Variants in KIAA1549L observed in about 807,000 individuals in gnomAD.
KIAA1549L encodes UPF0606 protein KIAA1549L.
A neutral mutation model predicts 160.7 loss-of-function variants in KIAA1549L; 88 were observed. The observed-to-expected ratio is 0.55, with a 90% CI of 0.46 to 0.65. The LOEUF (loss-of-function observed/expected upper bound fraction) is 0.65, where lower values mean the gene tolerates loss of function less well. Among genes scored for constraint, KIAA1549L ranks in the 30% least tolerant of loss-of-function variants. The pLI, the probability that KIAA1549L is intolerant of heterozygous loss-of-function variation, is 0.00. For synonymous variants in KIAA1549L, 950 were observed against 976.7 expected (o/e 0.97, Z 0.51); for missense variants, 2,258 against 2,437.5 (o/e 0.93, Z 1.55).
At chr11:33,428,193 T>A (rs1430522571) in intron 1 of KIAA1549L, among the ~76,000 whole-genome samples, 2 of 152,248 alleles carry the variant, frequency 1.3e-5, no homozygotes, top group Non-Finnish European at 2.9e-5. Context: ...GCCACCAAAC[T>A]GTTTGCAGCT....
intron 13 of KIAA1549L, among the ~76,000 whole-genome samples, chr11:33,603,285 T>A (rs1056918833): frequency 6.6e-6 from 1 of 151,478 alleles, no homozygotes; most frequent in African/African-American, 2.4e-5. Flanking sequence ...GGGGTGAGGG[T>A]ACACTGTAAA....
chr11:33,527,564 A>G (rs1017350457), intron 1 of KIAA1549L, among the ~76,000 whole-genome samples: 1 of 152,232 alleles, frequency 6.6e-6, no homozygotes, highest in African/African-American at 2.4e-5. Flanking sequence ...AAGCAAATGC[A>G]ACAAAAACAA....
intron 1 of KIAA1549L, among the ~76,000 whole-genome samples, chr11:33,513,093 G>A (rs959466866): frequency 7.2e-5 from 11 of 152,130 alleles, no homozygotes; most frequent in African/African-American, 2.4e-4. Flanking sequence ...CTTCTCCCAG[G>A]CACTCTCCAC....
chr11:33,604,962 G>A (rs1160979805), intron 13 of KIAA1549L, among the ~76,000 whole-genome samples: 1 of 152,138 alleles, frequency 6.6e-6, no homozygotes, highest in Admixed American at 6.6e-5. Flanking sequence ...TTAAAAAAGA[G>A]AAAAATGAAA....
intron 1 of KIAA1549L, among the ~76,000 whole-genome samples, chr11:33,499,709 C>CAATGTG (rs1852901768): frequency 2.0e-5 from 3 of 152,208 alleles, no homozygotes; most frequent in South Asian, 2.1e-4. Context: ...CATTTCATCA[C>CAATGTG]ATTGTAATCG....
At chr11:33,412,362 A>C (rs1020607079) in intron 1 of KIAA1549L, among the ~76,000 whole-genome samples, 1 of 152,234 alleles carries the variant, frequency 6.6e-6, no homozygotes, top group African/African-American at 2.4e-5. Flanking sequence ...TTGTAAAATA[A>C]TTACATGTAT....
rs376375438 is a variant in KIAA1549L at position 33,621,561 on chromosome 11, A to G, written c.5409+2899A>G. ...TAAAGCAGGTAGAAAAGAAAATGTC[A>G]GCCTAATGTGTAAAAGCAAAAATAT... On this transcript the variant is annotated intron_variant, in intron 16 of 20. Transcript: ENST00000658780. Among the ~76,000 whole-genome samples, 23 of 152,366 alleles carry G rather than the reference A, an allele frequency of 1.5e-4. 1 individual carries two copies. The East Asian group carries it at 2.5e-3, about 17-fold the overall frequency.
intron 19 of KIAA1549L, among the ~76,000 whole-genome samples, chr11:33,660,519 C>T (rs907305074): frequency 6.6e-6 from 1 of 151,776 alleles, no homozygotes; most frequent in African/African-American, 2.4e-5. Context: ...GAGCCAAGAT[C>T]GCGACACTGC....
At chr11:33,452,350 G>A (rs1334696987) in intron 1 of KIAA1549L, among the ~76,000 whole-genome samples, 1 of 152,226 alleles carries the variant, frequency 6.6e-6, no homozygotes, top group Non-Finnish European at 1.5e-5. Flanking sequence ...GCTCACACCT[G>A]TAATCCTAGC....
intron 20 of KIAA1549L, 39 bp downstream of exon 20, chr11:33,661,053 C>T (rs1852245464): frequency 6.4e-7 from 1 of 1,553,594 alleles, no homozygotes; most frequent in Admixed American, 1.9e-5. Flanking sequence ...ACTTTACCTG[C>T]TTAACACATG....
At chr11:33,418,485 G>T (rs11032262) in intron 1 of KIAA1549L, among the ~76,000 whole-genome samples, 25,426 of 152,214 alleles carry the variant, frequency 0.17, 2,439 homozygotes, top group East Asian at 0.36. Flanking sequence ...CTGTGTCTGG[G>T]TCTGTGTGAA....
intron 15 of KIAA1549L, among the ~76,000 whole-genome samples, chr11:33,618,060 C>T (rs753679351): frequency 1.3e-5 from 2 of 152,190 alleles, no homozygotes; most frequent in Non-Finnish European, 2.9e-5. Flanking sequence ...AATCTATCCA[C>T]AGTCATAATG....
chr11:33,585,180 T>C (rs1190275751), intron 11 of KIAA1549L, among the ~76,000 whole-genome samples: 2 of 152,150 alleles, frequency 1.3e-5, no homozygotes, highest in Admixed American at 6.5e-5. Context: ...GTAATAAGTG[T>C]ACATTGGGAA....
At chr11:33,591,840 C>A (rs1288808588) in intron 12 of KIAA1549L, among the ~76,000 whole-genome samples, 2 of 152,144 alleles carry the variant, frequency 1.3e-5, no homozygotes, top group Non-Finnish European at 2.9e-5. Context: ...GAAGACATCC[C>A]TTTAGGACTA....
At chr11:33,572,099 TGA>T (rs2133242255) in intron 9 of KIAA1549L, among the ~76,000 whole-genome samples, 1 of 152,114 alleles carries the variant, frequency 6.6e-6, no homozygotes, top group South Asian at 2.1e-4. Context: ...TGCAGTGGTG[TGA>T]GCTCAGCTCA....
At chr11:33,599,894 A>G (rs1850308912) in intron 13 of KIAA1549L, among the ~76,000 whole-genome samples, 3 of 152,190 alleles carry the variant, frequency 2.0e-5, no homozygotes, top group South Asian at 4.1e-4. Flanking sequence ...ACCCTCTAGC[A>G]CCCTGCTTAG....
intron 1 of KIAA1549L, among the ~76,000 whole-genome samples, chr11:33,439,980 G>A (rs1313959340): frequency 3.3e-5 from 5 of 151,624 alleles, no homozygotes; most frequent in East Asian, 1.9e-4. Flanking sequence ...GTCTATTTAC[G>A]TTGATTATCA....
intron 1 of KIAA1549L, among the ~76,000 whole-genome samples, chr11:33,529,966 A>G (rs1204695418): frequency 6.6e-6 from 1 of 152,076 alleles, no homozygotes; most frequent in African/African-American, 2.4e-5. Flanking sequence ...TTTTTGCCCA[A>G]TTCTCTAGGC....
intron 19 of KIAA1549L, 145 bp from the exon 20 acceptor site, chr11:33,660,718 C>A (rs1236191897): frequency 7.1e-6 from 5 of 706,838 alleles, no homozygotes; most frequent in Non-Finnish European, 1.2e-5. Context: ...GAGCAAGCTC[C>A]CCTCAGCTCA....
Sources: gnomAD v4.1 joint callset for allele counts (sites outside exome capture counted in the v4.1 genomes callset) on GRCh38, gnomAD v4.1.1 for gene constraint, MANE v1.5 for transcripts, NCBI Gene and HGNC (gene_info 2026-07-23, HGNC 2026-07-21) for gene names.